KCTD16: variants seen among roughly 807,000 people sequenced by gnomAD.
The protein encoded by KCTD16 is potassium channel tetramerization domain containing 16, also known as BTB/POZ domain-containing protein KCTD16.
A neutral mutation model predicts 33.2 loss-of-function variants in KCTD16; 13 were observed. The observed-to-expected ratio is 0.39, with a 90% confidence interval of 0.25 to 0.62. KCTD16 has a LOEUF of 0.62. KCTD16 is among the 20% of genes least tolerant of loss of function. The probability of loss-of-function intolerance (pLI) is 0.50; values close to 1 mark genes in which losing one functional copy is unlikely to be tolerated. For missense variants in KCTD16, 441 were observed against 525.1 expected (o/e 0.84, Z 1.57); for synonymous variants, 197 against 195.3 (o/e 1.01, Z -0.07).
intron 3 of KCTD16, among the ~76,000 whole-genome samples, chr5:144,275,592 C>A (rs1326981447): frequency 1.3e-5 from 2 of 152,212 alleles, no homozygotes; most frequent in Non-Finnish European, 2.9e-5. Context: ...TGTGACACCA[C>A]AGGGTCCTTC....
At chr5:144,196,119 G>A (rs1752934603) in intron 2 of KCTD16, among the ~76,000 whole-genome samples, 1 of 152,096 alleles carries the variant, frequency 6.6e-6, no homozygotes, top group Non-Finnish European at 1.5e-5. Flanking sequence ...TAAGAGACAT[G>A]GCCAAAACAT....
intron 3 of KCTD16, among the ~76,000 whole-genome samples, chr5:144,338,695 A>G (rs1752552474): frequency 6.6e-6 from 1 of 152,172 alleles, no homozygotes; most frequent in Non-Finnish European, 1.5e-5. Context: ...TTTTATGGGC[A>G]TATGCAGGTA....
Position 144,322,203 on chromosome 5 carries a change from ATAGG to A in KCTD16, c.832+114662_832+114665del, listed in dbSNP as rs1163504634. On this transcript the variant is annotated intron_variant, in intron 3 of 3. Transcript: ENST00000512467. ...TATTTAGATTATGATTAAGCAGTTG[ATAGG>A]TAGGCAGAAGAGAATGTCGTGGACA... Among the ~76,000 whole-genome samples, 9 of 152,272 alleles carry A rather than the reference ATAGG, an allele frequency of 5.9e-5. No individual in the cohort carries two copies. The East Asian group carries it at 1.7e-3, about 29-fold the overall frequency.
intron 3 of KCTD16, among the ~76,000 whole-genome samples, chr5:144,225,193 G>A (rs1753892703): frequency 6.6e-6 from 1 of 152,026 alleles, no homozygotes; most frequent in African/African-American, 2.4e-5. Context: ...CCTCTAGTGG[G>A]GTGTGTGGAT....
chr5:144,437,723 A>C (rs985745103), intron 3 of KCTD16, among the ~76,000 whole-genome samples: 4 of 152,160 alleles, frequency 2.6e-5, no homozygotes, highest in African/African-American at 9.7e-5. Flanking sequence ...CAGCTCTGAA[A>C]CTAACTTACT....
intron 3 of KCTD16, among the ~76,000 whole-genome samples, chr5:144,232,586 C>A (rs550171250): frequency 4.6e-5 from 7 of 152,248 alleles, no homozygotes; most frequent in African/African-American, 1.7e-4. Flanking sequence ...TTCTTTCTGG[C>A]AAATAAACAT....
intron 3 of KCTD16, among the ~76,000 whole-genome samples, chr5:144,344,258 A>T (rs1188837541): frequency 6.6e-6 from 1 of 152,160 alleles, no homozygotes; most frequent in African/African-American, 2.4e-5. Context: ...TAACAATCCT[A>T]GAAGAAAACC....
At chr5:144,339,668 A>C (rs1752579145) in intron 3 of KCTD16, among the ~76,000 whole-genome samples, 1 of 152,184 alleles carries the variant, frequency 6.6e-6, no homozygotes, top group Non-Finnish European at 1.5e-5. Context: ...AGGATATTTT[A>C]GCTGAAATTC....
At chr5:144,411,527 A>T (rs1196768881) in intron 3 of KCTD16, among the ~76,000 whole-genome samples, 6 of 152,204 alleles carry the variant, frequency 3.9e-5, no homozygotes, top group Non-Finnish European at 8.8e-5. Flanking sequence ...AGATTAAAAA[A>T]ATTAACTCAA....
chr5:144,336,119 G>C (rs1390064939), intron 3 of KCTD16, among the ~76,000 whole-genome samples: 1 of 152,166 alleles, frequency 6.6e-6, no homozygotes, highest in African/African-American at 2.4e-5. Flanking sequence ...AGGCAGACAG[G>C]CTGTCTTGTG....
rs918707256 is a variant in KCTD16, at chr5:144,473,908, C to T, written c.1081C>T (p.Arg361Trp). Residue 361 changes from arginine to tryptophan, a missense_variant, in exon 4 of 4, where the codon CGG (arginine) becomes TGG (tryptophan). Physicochemically the swap from Arg to Trp is moderately radical, Grantham distance 101. Transcript: ENST00000512467. ...VQLIQQSEMR[R>W]KSDLLRTLTS... The stretch of plus-strand genomic sequence containing the variant: ...GCTGATCCAACAGTCAGAGATGCGG[C>T]GGAAAAGCGACTTACTCCGGACTCT... The T allele has an allele frequency of 6.2e-7, 1 of 1,613,820 alleles. No homozygotes were observed. The highest frequency in any genetic ancestry group is 8.5e-7 in the Non-Finnish European group (1 of 1,179,978).
chr5:144,200,796 G>A (rs55953500), intron 2 of KCTD16, among the ~76,000 whole-genome samples: 32,938 of 152,154 alleles, frequency 0.22, 3,781 homozygotes, highest in East Asian at 0.41. Context: ...GGTGTGCAGA[G>A]GCACCATCAT....
chr5:144,432,921 A>T (rs1384294574), intron 3 of KCTD16, among the ~76,000 whole-genome samples: 2 of 152,172 alleles, frequency 1.3e-5, no homozygotes, highest in Admixed American at 1.3e-4. Context: ...CATATATTTA[A>T]TCTTCACAGT....
At chr5:144,176,051 T>C (rs1331733238) in intron 2 of KCTD16, among the ~76,000 whole-genome samples, 1 of 152,204 alleles carries the variant, frequency 6.6e-6, no homozygotes, top group African/African-American at 2.4e-5. Context: ...TCCAAGATCT[T>C]TCAAATTTGG....
At chr5:144,462,123 C>T (rs999458100) in intron 3 of KCTD16, among the ~76,000 whole-genome samples, 15 of 150,804 alleles carry the variant, frequency 9.9e-5, no homozygotes, top group African/African-American at 3.7e-4. Context: ...TTTATCTTTT[C>T]TCTTCCATTG....
At position 144,206,591 on chromosome 5, in the gene KCTD16, G is replaced by C. The variant is rs144806162; in HGVS notation, c.-124G>C. 4,422 of 783,510 alleles carry C rather than the reference G, an allele frequency of 5.6e-3. 22 individuals carry two copies. The highest frequency in any genetic ancestry group is 6.6e-3 in the Non-Finnish European group (3,241 of 487,388). 48.5% of individuals were successfully genotyped at this position (783,510 alleles called of 1,614,324 possible). A position where few individuals can be genotyped will look rare whatever the true frequency, so the allele number is the denominator to read the frequency against. On this transcript the variant is annotated 5_prime_UTR_variant, in exon 3 of 4. Coordinates refer to ENST00000512467, the MANE Select transcript of KCTD16 (RefSeq NM_020768.4). The stretch of plus-strand genomic sequence containing the variant: ...TTGGGGGAAAAATACTGGGATAAGA[G>C]GAGGTCATTTTTTAATAAGTTAGCA...
chr5:144,360,282 G>T (rs1751678044), intron 3 of KCTD16, among the ~76,000 whole-genome samples: 1 of 152,036 alleles, frequency 6.6e-6, no homozygotes, highest in African/African-American at 2.4e-5. Context: ...CCCAGTGTGT[G>T]ATGTTCCCTG....
In KCTD16 at chr5:144,313,491, G is replaced by A. The variant is rs79160565; in HGVS notation, c.832+105945G>A. The stretch of plus-strand genomic sequence containing the variant: ...AAATACTAAAATATTGTAAGGTTTT[G>A]TTATCAGAGAGTAGATTAAAGTTTA... On this transcript the variant is annotated intron_variant, in intron 3 of 3. Transcript: ENST00000512467. Among the ~76,000 whole-genome samples the A allele has an allele frequency of 2.6e-5, 4 of 152,094 alleles. No homozygotes were observed. In the East Asian group the frequency reaches 7.7e-4, roughly 29 times the overall value.
At chr5:144,176,229 T>C (rs554829828) in intron 2 of KCTD16, among the ~76,000 whole-genome samples, 1 of 152,216 alleles carries the variant, frequency 6.6e-6, no homozygotes, top group East Asian at 1.9e-4. Flanking sequence ...CTGCCTTCCC[T>C]TTCTCTCCTC....
Sources: gnomAD v4.1 joint callset for allele counts (sites outside exome capture counted in the v4.1 genomes callset) on GRCh38, gnomAD v4.1.1 for gene constraint, MANE v1.5 for transcripts, NCBI Gene and HGNC (gene_info 2026-07-23, HGNC 2026-07-21) for gene names.